ZC3H12C: variants seen among roughly 807,000 people sequenced by gnomAD.
The protein encoded by ZC3H12C is probable ribonuclease ZC3H12C.
In ZC3H12C, 20 loss-of-function variants were observed where a neutral mutation model predicts 76.3. That is an observed-to-expected ratio of 0.26 (90% confidence interval 0.18 to 0.38). The LOEUF (loss-of-function observed/expected upper bound fraction) is 0.38, where lower values mean the gene tolerates loss of function less well. Among genes scored for constraint, ZC3H12C ranks in the 10% least tolerant of loss-of-function variants. The pLI is 1.00. For synonymous variants in ZC3H12C, 352 were observed against 399.6 expected (o/e 0.88, Z 1.42); for missense variants, 874 against 1,086.5 (o/e 0.80, Z 2.75).
chr11:110,134,356 G>A (rs1861917353), intron 1 of ZC3H12C, among the ~76,000 whole-genome samples: 1 of 151,958 alleles, frequency 6.6e-6, no homozygotes, highest in Admixed American at 6.6e-5. Context: ...CATGTTAAAG[G>A]CGTGCAGCTT....
intron 1 of ZC3H12C, among the ~76,000 whole-genome samples, chr11:110,117,931 CACAT>C (rs1220228485): frequency 2.3e-5 from 3 of 130,308 alleles, no homozygotes; most frequent in Non-Finnish European, 4.7e-5. Context: ...TATACACACA[CACAT>C]ATATATATTA....
In ZC3H12C at chr11:110,170,001, C is replaced by CTTGAG. The variant is rs1463727820; in HGVS notation, c.*4265_*4266insTGAGT. ...GGCCTGTGGGCCATAATTTGCTGAT[C>CTTGAG]TCAAGCAGTAAATCCTGGTATATGT... is the stretch of plus-strand genomic sequence containing the variant. On this transcript the variant is annotated 3_prime_UTR_variant, in exon 6 of 6. Coordinates refer to ENST00000278590, the MANE Select transcript of ZC3H12C (RefSeq NM_033390.2). 6.6e-6 allele frequency: 1 copy of CTTGAG among 152,182 alleles called. No homozygotes were observed. The highest frequency in any genetic ancestry group is 1.5e-5 in the Non-Finnish European group (1 of 68,010). The allele number at this position is 152,182 out of a possible 1,614,324, so 9.4% of individuals were successfully genotyped here.
intron 1 of ZC3H12C, among the ~76,000 whole-genome samples, chr11:110,115,033 T>C (rs1163694278): frequency 6.6e-6 from 1 of 152,176 alleles, no homozygotes. Flanking sequence ...TATTTTATAA[T>C]AATTTTTCAC....
chr11:110,146,694 T>A (rs1862177234), intron 2 of ZC3H12C, among the ~76,000 whole-genome samples: 1 of 152,232 alleles, frequency 6.6e-6, no homozygotes, highest in Non-Finnish European at 1.5e-5. Context: ...TGTGAACAAT[T>A]CCAACTGGGA....
rs759494431 is a variant in ZC3H12C at position 110,165,595 on chromosome 11, A to G, written c.2510A>G (p.Asn837Ser). 4 of 1,607,824 alleles carry G rather than the reference A, an allele frequency of 2.5e-6. No individual in the cohort carries two copies. The highest frequency in any genetic ancestry group is 3.4e-6 in the Non-Finnish European group (4 of 1,177,028). Residue 837 changes from asparagine to serine, a missense_variant, in exon 6 of 6, where the codon AAC becomes AGC. This residue lies in a region of ZC3H12C where 395 missense variants were observed against 434.4 expected (regional missense o/e 0.91). Coordinates refer to ENST00000278590, the MANE Select transcript of ZC3H12C (RefSeq NM_033390.2). Reference sequence around the variant, plus strand: ...CAAGATCCCCCGAGGTATCAAGACAACCGAGAAAAGATTTATATCAATTTG... The same window carrying G: ...CAAGATCCCCCGAGGTATCAAGACAGCCGAGAAAAGATTTATATCAATTTG... ...MPQDPPRYQD[N>S]REKIYINLCN...
intron 2 of ZC3H12C, among the ~76,000 whole-genome samples, chr11:110,149,041 A>C (rs1862220793): frequency 6.6e-6 from 1 of 152,180 alleles, no homozygotes; most frequent in African/African-American, 2.4e-5. Flanking sequence ...CAGTCTCCCA[A>C]AACCTCTCCT....
intron 3 of ZC3H12C, among the ~76,000 whole-genome samples, chr11:110,156,252 C>T (rs1041818641): frequency 6.6e-6 from 1 of 152,148 alleles, no homozygotes; most frequent in African/African-American, 2.4e-5. Context: ...TAGCCCAATA[C>T]TCTTTCACTG....
intron 1 of ZC3H12C, among the ~76,000 whole-genome samples, chr11:110,115,748 C>CTTTTTTTTTTTTTTTTTTTTTTTTT (rs71476067): frequency 1.7e-5 from 2 of 120,320 alleles, no homozygotes. Flanking sequence ...TTCTCATTTT[C>CTTTTTTTTTTTTTTTTTTTTTTTTT]TTTTTTTTTT....
At position 110,168,367 on chromosome 11, in the gene ZC3H12C, G is replaced by A. The variant is rs995616924; in HGVS notation, c.*2630G>A. 6.6e-6 allele frequency: 1 copy of A among 152,106 alleles called. No individual in the cohort carries two copies. Among genetic ancestry groups the A allele is most frequent in the African/African-American group, 2.4e-5 (1 of 41,444 alleles). 9.4% of individuals were successfully genotyped at this position (152,106 alleles called of 1,614,324 possible). A position where few individuals can be genotyped will look rare whatever the true frequency, so the allele number is the denominator to read the frequency against. On this transcript the variant is annotated 3_prime_UTR_variant, in exon 6 of 6. Coordinates refer to ENST00000278590, the MANE Select transcript of ZC3H12C (RefSeq NM_033390.2). The stretch of plus-strand genomic sequence containing the variant: ...TGTTGCGTTCAGAGCTGTAGAATGA[G>A]ATAATTGGCAGACTTTAGGTACAGC...
At chr11:110,160,457 C>T (rs1862459394) in intron 4 of ZC3H12C, among the ~76,000 whole-genome samples, 2 of 151,962 alleles carry the variant, frequency 1.3e-5, no homozygotes, top group Non-Finnish European at 2.9e-5. Context: ...TACAACTGTA[C>T]AAAAACATTT....
chr11:110,139,325 G>A (rs1446485927), intron 2 of ZC3H12C, among the ~76,000 whole-genome samples: 3 of 152,200 alleles, frequency 2.0e-5, no homozygotes, highest in African/African-American at 7.2e-5. Context: ...AAACTAAGTT[G>A]AAAAGGTTAA....
chr11:110,121,960 A>G (rs73549300), intron 1 of ZC3H12C, among the ~76,000 whole-genome samples: 4,929 of 152,282 alleles, frequency 0.032, 161 homozygotes, highest in East Asian at 0.087. Flanking sequence ...ACCTAAACAC[A>G]TAACTCTGTT....
intron 1 of ZC3H12C, among the ~76,000 whole-genome samples, chr11:110,134,175 G>C (rs1263462414): frequency 1.3e-5 from 2 of 151,986 alleles, no homozygotes; most frequent in Admixed American, 6.6e-5. Context: ...TGCACTTCCT[G>C]CAGTCAGAGC....
At chr11:110,125,097 A>G (rs746462) in intron 1 of ZC3H12C, among the ~76,000 whole-genome samples, 2 of 152,188 alleles carry the variant, frequency 1.3e-5, no homozygotes, top group African/African-American at 2.4e-5. Context: ...TGTTGCAACA[A>G]TGATAGCTAC....
At chr11:110,160,348 T>C (rs1862457627) in intron 4 of ZC3H12C, among the ~76,000 whole-genome samples, 1 of 152,174 alleles carries the variant, frequency 6.6e-6, no homozygotes, top group Non-Finnish European at 1.5e-5. Context: ...TTCAATAATA[T>C]ATTAACCTTG....
At chr11:110,125,353 G>A (rs528582915) in intron 1 of ZC3H12C, among the ~76,000 whole-genome samples, 2 of 145,796 alleles carry the variant, frequency 1.4e-5, no homozygotes, top group East Asian at 2.1e-4. Context: ...ATGGAGTCTC[G>A]CTCTGTCATA....
intron 1 of ZC3H12C, among the ~76,000 whole-genome samples, chr11:110,094,016 C>A (rs1042538334): frequency 6.6e-6 from 1 of 152,200 alleles, no homozygotes; most frequent in Non-Finnish European, 1.5e-5. Flanking sequence ...CCCTTTTACA[C>A]GCTGCGTTCA....
At chr11:110,145,566 C>T (rs1862149328) in intron 2 of ZC3H12C, among the ~76,000 whole-genome samples, 1 of 149,856 alleles carries the variant, frequency 6.7e-6, no homozygotes, top group South Asian at 2.1e-4. Flanking sequence ...ATCTTATTAT[C>T]CAATATGAGC....
In ZC3H12C at chr11:110,171,411, C is replaced by T. The variant is rs540501271; in HGVS notation, c.*5674C>T. ...TAGTAGAATTTTTTATTTGATCCTG[C>T]GAACTTTTCTTATAGGAAAAGTAAG... On this transcript the variant is annotated 3_prime_UTR_variant, in exon 6 of 6. Transcript: ENST00000278590. The T allele has an allele frequency of 2.0e-5, 3 of 152,220 alleles. No individual in the cohort carries two copies. Among genetic ancestry groups the T allele is most frequent in the East Asian group, 3.9e-4 (2 of 5,180 alleles). The allele number at this position is 152,220 out of a possible 1,614,324, so 9.4% of individuals were successfully genotyped here. A position where few individuals can be genotyped will look rare whatever the true frequency, so the allele number is the denominator to read the frequency against.
Sources: allele counts gnomAD v4.1 joint callset (sites outside exome capture counted in the v4.1 genomes callset), GRCh38; gene constraint gnomAD v4.1.1; regional missense constraint gnomAD v4.1.1; transcripts MANE v1.5; gene names NCBI Gene and HGNC (gene_info 2026-07-23, HGNC 2026-07-21).